Variants in COL24A1 observed in about 807,000 individuals in gnomAD.
COL24A1 encodes collagen alpha-1(XXIV) chain.
COL24A1 carries 224 observed loss-of-function variants against 253.9 expected under a neutral mutation model. The observed-to-expected ratio is 0.88, with a 90% CI of 0.79 to 0.99. The LOEUF (loss-of-function observed/expected upper bound fraction) is 0.99. Ranked by LOEUF, COL24A1 falls within the 50% of genes least tolerant of loss-of-function variation. The pLI, the probability that COL24A1 is intolerant of heterozygous loss-of-function variation, is 0.00. For missense variants in COL24A1, 2,131 were observed against 2,068.5 expected (o/e 1.03, Z -0.59); for synonymous variants, 685 against 673.7 (o/e 1.02, Z -0.26).
intron 24 of COL24A1, among the ~76,000 whole-genome samples, chr1:85,940,878 T>C (rs1029892460): frequency 2.6e-5 from 4 of 152,178 alleles, no homozygotes; most frequent in East Asian, 1.9e-4. Context: ...AACTCAAGAA[T>C]AGAAAGGCAA....
chr1:85,844,971 T>G (rs945460225), intron 39 of COL24A1, among the ~76,000 whole-genome samples: 4 of 151,848 alleles, frequency 2.6e-5, no homozygotes, highest in Non-Finnish European at 4.4e-5. Context: ...TTAACACTTA[T>G]GCCTAAATCC....
chr1:86,120,684 A>G (rs1040269847), intron 3 of COL24A1, among the ~76,000 whole-genome samples: 2 of 152,232 alleles, frequency 1.3e-5, no homozygotes, highest in African/African-American at 4.8e-5. Flanking sequence ...ATGCTCTTAC[A>G]CTGTTGATGG....
chr1:86,028,624 G>A (rs1698266524), intron 14 of COL24A1, among the ~76,000 whole-genome samples: 1 of 152,184 alleles, frequency 6.6e-6, no homozygotes, highest in African/African-American at 2.4e-5. Flanking sequence ...AAATTACGCA[G>A]TCTCAGGTAT....
At chr1:86,065,172 C>T (rs1336117034) in intron 7 of COL24A1, among the ~76,000 whole-genome samples, 1 of 152,086 alleles carries the variant, frequency 6.6e-6, no homozygotes, top group East Asian at 1.9e-4. Flanking sequence ...GTTACAGAGA[C>T]TCTGCCATGA....
chr1:85,884,905 G>T (rs780098662), intron 32 of COL24A1, among the ~76,000 whole-genome samples: 13 of 152,132 alleles, frequency 8.5e-5, no homozygotes, highest in Non-Finnish European at 1.5e-4. Flanking sequence ...TCAGGAACAT[G>T]TAGGGGCCTC....
At chr1:86,054,524 G>A (rs979924808) in intron 10 of COL24A1, among the ~76,000 whole-genome samples, 2 of 151,838 alleles carry the variant, frequency 1.3e-5, no homozygotes, top group African/African-American at 4.8e-5. Context: ...ACATATAAGC[G>A]GCCCCAAAAC....
intron 35 of COL24A1, among the ~76,000 whole-genome samples, chr1:85,871,128 C>T (rs1026419782): frequency 7.9e-5 from 12 of 152,152 alleles, no homozygotes; most frequent in African/African-American, 2.9e-4. Flanking sequence ...GACACACACA[C>T]CCTCCCAAGA....
chr1:85,916,555 A>G (rs573856370), intron 24 of COL24A1, among the ~76,000 whole-genome samples: 1 of 152,260 alleles, frequency 6.6e-6, no homozygotes, highest in Non-Finnish European at 1.5e-5. Context: ...GTGTGGCAAC[A>G]TGTTCCTGTA....
chr1:85,887,672 C>T (rs117369425), intron 32 of COL24A1, among the ~76,000 whole-genome samples: 2 of 152,106 alleles, frequency 1.3e-5, no homozygotes, highest in African/African-American at 2.4e-5. Context: ...ACCTATCCTA[C>T]TTTATGCCTA....
intron 55 of COL24A1, among the ~76,000 whole-genome samples, chr1:85,760,832 A>G (rs1425940608): frequency 1.3e-5 from 2 of 152,172 alleles, no homozygotes; most frequent in South Asian, 2.1e-4. Flanking sequence ...TACAAAGCAT[A>G]AGGAAAATCA....
At position 85,816,824 on chromosome 1, in the gene COL24A1, A is replaced by C. The variant is rs778346357; in HGVS notation, c.3915T>G (p.Pro1305=). 2.5e-6 allele frequency: 4 copies of C among 1,613,992 alleles called. No individual in the cohort carries two copies. The highest frequency in any genetic ancestry group is 3.4e-6 in the Non-Finnish European group (4 of 1,179,872). ...GTTTTCCTGGTGGCCCAATTTTTCC[A>C]GGGTTTCCTGAAATGCCATCTGCTC... is the stretch of plus-strand genomic sequence containing the variant. The part of the protein sequence containing the change: ...YHGADGISGN[P]GKIGPPGKQG... The change falls in exon 47 of 60, where the codon CCT becomes CCG. Residue 1305 remains proline, a synonymous_variant. Transcript: ENST00000370571.
At chr1:85,955,580 C>T (rs1690369951) in intron 24 of COL24A1, among the ~76,000 whole-genome samples, 1 of 152,252 alleles carries the variant, frequency 6.6e-6, no homozygotes, top group Non-Finnish European at 1.5e-5. Flanking sequence ...CACTACCTGC[C>T]TGTCTGCATG....
intron 45 of COL24A1, among the ~76,000 whole-genome samples, chr1:85,819,575 A>G (rs1673392431): frequency 6.6e-6 from 1 of 152,220 alleles, no homozygotes; most frequent in Non-Finnish European, 1.5e-5. Context: ...TAAACACAAA[A>G]GCCTGACTCT....
intron 18 of COL24A1, 63 bp downstream of exon 18, chr1:86,022,177 G>A (rs371817383): frequency 2.6e-5 from 37 of 1,407,600 alleles, no homozygotes; most frequent in African/African-American, 5.7e-5. Flanking sequence ...CAACAGTGTC[G>A]AGACTCATGC....
intron 20 of COL24A1, among the ~76,000 whole-genome samples, chr1:85,975,827 C>T (rs1692619090): frequency 6.6e-6 from 1 of 152,164 alleles, no homozygotes; most frequent in Middle Eastern, 3.2e-3. Flanking sequence ...CACCTGCCTC[C>T]AGACACACAT....
chr1:85,798,610 G>C (rs907144921), intron 47 of COL24A1, among the ~76,000 whole-genome samples: 1 of 152,186 alleles, frequency 6.6e-6, no homozygotes, highest in Non-Finnish European at 1.5e-5. Context: ...AGGGTAGCTG[G>C]ATTTCCTAAT....
chr1:85,805,814 G>A (rs1671898455), intron 47 of COL24A1, among the ~76,000 whole-genome samples: 2 of 152,236 alleles, frequency 1.3e-5, no homozygotes, highest in South Asian at 2.1e-4. Flanking sequence ...GGTGGCTCAC[G>A]CCTGTAATCC....
At chr1:85,839,400 G>T (rs1676365856) in intron 42 of COL24A1, among the ~76,000 whole-genome samples, 1 of 151,962 alleles carries the variant, frequency 6.6e-6, no homozygotes, top group African/African-American at 2.4e-5. Flanking sequence ...GATTTAAATA[G>T]TAAATCCTAC....
At chr1:85,989,114 GT>G (rs896595090) in intron 19 of COL24A1, among the ~76,000 whole-genome samples, 7 of 151,912 alleles carry the variant, frequency 4.6e-5, no homozygotes, top group African/African-American at 4.8e-5. Context: ...TTGTTAGTAT[GT>G]TTTTTTGTGG....
Sources: gnomAD v4.1 joint callset for allele counts (sites outside exome capture counted in the v4.1 genomes callset) on GRCh38, gnomAD v4.1.1 for gene constraint, MANE v1.5 for transcripts, NCBI Gene and HGNC (gene_info 2026-07-23, HGNC 2026-07-21) for gene names.